Variants in TMEM163 observed in about 807,000 individuals in gnomAD.
The protein encoded by TMEM163 is transmembrane protein 163.
Under a neutral mutation model 29.3 loss-of-function variants are expected in TMEM163, and 17 were observed. That is an observed-to-expected ratio of 0.58 (90% CI 0.40 to 0.87). The LOEUF is 0.87. TMEM163 is among the 40% of genes least tolerant of loss of function. The pLI is 0.00. For missense variants in TMEM163, 303 were observed against 381.5 expected, an observed-to-expected ratio of 0.79 and a Z score of 1.71; for synonymous variants, 157 against 160.6, an observed-to-expected ratio of 0.98 and a Z score of 0.17.
chr2:134,490,635 C>CA (rs1679408081), intron 5 of TMEM163, among the ~76,000 whole-genome samples: 3 of 152,002 alleles, frequency 2.0e-5, no homozygotes, highest in Non-Finnish European at 1.5e-5. Context: ...AATTACTTCC[C>CA]AAAAAAGCAT....
chr2:134,459,457 C>T (rs1400790546), intron 6 of TMEM163, among the ~76,000 whole-genome samples: 1 of 152,054 alleles, frequency 6.6e-6, no homozygotes, highest in South Asian at 2.1e-4. Flanking sequence ...CTGGTTCTTG[C>T]GATGTTCCTC....
chr2:134,553,861 G>A (rs1680987239), intron 2 of TMEM163, among the ~76,000 whole-genome samples: 1 of 152,174 alleles, frequency 6.6e-6, no homozygotes, highest in South Asian at 2.1e-4. Flanking sequence ...GCTGACGTGT[G>A]CAAAAAAAGC....
chr2:134,514,381 ATCTTTT>A (rs755649343), intron 4 of TMEM163, among the ~76,000 whole-genome samples: 6 of 103,424 alleles, frequency 5.8e-5, no homozygotes, highest in African/African-American at 2.3e-4. Context: ...GATACTGATG[ATCTTTT>A]TTTTTTTTTT....
chr2:134,571,777 G>T, intron 2 of TMEM163, among the ~76,000 whole-genome samples: 1 of 152,232 alleles, frequency 6.6e-6, no homozygotes, highest in East Asian at 1.9e-4. Context: ...TGGGACAACA[G>T]GTGCAAAGTG....
chr2:134,511,313 A>C (rs897366784), intron 4 of TMEM163, among the ~76,000 whole-genome samples: 1 of 152,176 alleles, frequency 6.6e-6, no homozygotes, highest in Non-Finnish European at 1.5e-5. Flanking sequence ...CTGGCAGGAG[A>C]GAACCCAGCA....
chr2:134,624,796 C>T (rs558440521), intron 2 of TMEM163, among the ~76,000 whole-genome samples: 14 of 152,094 alleles, frequency 9.2e-5, no homozygotes, highest in Non-Finnish European at 1.9e-4. Context: ...ATAATCCTAG[C>T]TACTCAGGAG....
chr2:134,465,867 C>T (rs1265927695), intron 6 of TMEM163, among the ~76,000 whole-genome samples: 3 of 152,174 alleles, frequency 2.0e-5, no homozygotes, highest in Admixed American at 6.5e-5. Flanking sequence ...AGCCCCAAGC[C>T]TCCCTGCTAG....
intron 2 of TMEM163, among the ~76,000 whole-genome samples, chr2:134,602,739 C>A (rs1410317236): frequency 6.6e-6 from 1 of 152,132 alleles, no homozygotes; most frequent in Non-Finnish European, 1.5e-5. Flanking sequence ...ATGTCTAAAT[C>A]ATTCCCTCCT....
At chr2:134,624,124 G>T (rs1216337188) in intron 2 of TMEM163, among the ~76,000 whole-genome samples, 1 of 152,176 alleles carries the variant, frequency 6.6e-6, no homozygotes, top group Non-Finnish European at 1.5e-5. Context: ...GACCTCCCAG[G>T]CATCACCAGC....
chr2:134,606,044 G>A (rs1326242638), intron 2 of TMEM163, among the ~76,000 whole-genome samples: 1 of 152,168 alleles, frequency 6.6e-6, no homozygotes, highest in Non-Finnish European at 1.5e-5. Context: ...GGCAGTGGCA[G>A]GTTGTTTGTG....
At chr2:134,566,000 A>T (rs1030469490) in intron 2 of TMEM163, among the ~76,000 whole-genome samples, 27 of 152,326 alleles carry the variant, frequency 1.8e-4, no homozygotes, top group East Asian at 1.9e-4. Context: ...GATGAGTGTG[A>T]GTGGTGGCTA....
At chr2:134,696,481 T>C (rs1684584440) in intron 2 of TMEM163, among the ~76,000 whole-genome samples, 1 of 152,222 alleles carries the variant, frequency 6.6e-6, no homozygotes, top group African/African-American at 2.4e-5. Flanking sequence ...TTAGGGTTAA[T>C]ATAAGGAGAA....
At chr2:134,644,721 A>C (rs759318599) in intron 2 of TMEM163, among the ~76,000 whole-genome samples, 1 of 152,184 alleles carries the variant, frequency 6.6e-6, no homozygotes, top group Admixed American at 6.5e-5. Flanking sequence ...AAGAGTTTTT[A>C]GACACGACAC....
intron 2 of TMEM163, among the ~76,000 whole-genome samples, chr2:134,709,181 T>A (rs1322860697): frequency 2.6e-5 from 4 of 152,206 alleles, no homozygotes; most frequent in African/African-American, 9.7e-5. Context: ...AACAGACTTT[T>A]TTTTCCACAT....
At chr2:134,579,017 G>A (rs1681629243) in intron 2 of TMEM163, among the ~76,000 whole-genome samples, 1 of 152,152 alleles carries the variant, frequency 6.6e-6, no homozygotes, top group Admixed American at 6.5e-5. Context: ...TCCTGCAGGA[G>A]AGAAACTTCA....
chr2:134,580,977 C>A (rs1681678839), intron 2 of TMEM163, among the ~76,000 whole-genome samples: 1 of 152,166 alleles, frequency 6.6e-6, no homozygotes, highest in Non-Finnish European at 1.5e-5. Context: ...ACTAACCAAT[C>A]TCTCCAGGCG....
chr2:134,629,923 T>C (rs1364578937), intron 2 of TMEM163, among the ~76,000 whole-genome samples: 4 of 152,218 alleles, frequency 2.6e-5, no homozygotes, highest in African/African-American at 7.2e-5. Context: ...TATAAACTAA[T>C]GGGAACAGCT....
At chr2:134,516,741 G>T (rs2083570) in intron 4 of TMEM163, among the ~76,000 whole-genome samples, 21 of 125,352 alleles carry the variant, frequency 1.7e-4, no homozygotes, top group Admixed American at 4.1e-4. Flanking sequence ...GCATATATAT[G>T]CATATATATA....
At chr2:134,558,201 C>G (rs1319556651) in intron 2 of TMEM163, among the ~76,000 whole-genome samples, 1 of 152,154 alleles carries the variant, frequency 6.6e-6, no homozygotes, top group East Asian at 1.9e-4. Flanking sequence ...TCACCTACAT[C>G]AGTGGTTTGT....
Sources: gnomAD v4.1 joint callset for allele counts (sites outside exome capture counted in the v4.1 genomes callset) on GRCh38, gnomAD v4.1.1 for gene constraint, MANE v1.5 for transcripts, NCBI Gene and HGNC (gene_info 2026-07-23, HGNC 2026-07-21) for gene names.